Variants in TONSL observed in about 807,000 individuals in gnomAD.
TONSL encodes the protein tonsoku like, DNA repair protein.
TONSL carries 112 observed loss-of-function variants against 147.1 expected under a neutral mutation model. The ratio of observed to expected loss-of-function variants is 0.76; its 90% CI spans 0.65 to 0.89. The LOEUF is 0.89. TONSL is among the 40% of genes least tolerant of loss of function. The pLI is 0.00. For missense variants in TONSL, 1,883 were observed against 1,864.6 expected, an observed-to-expected ratio of 1.01 and a Z score of -0.18; for synonymous variants, 868 against 801.5, an observed-to-expected ratio of 1.08 and a Z score of -1.40.
rs752906055 is a variant in TONSL, at chr8:144,443,971, G to A, written c.175C>T (p.Arg59Cys). Residue 59 changes from arginine to cysteine, a missense_variant, in exon 3 of 26, where the codon CGC becomes TGC. Physicochemically the swap from Arg to Cys is radical, Grantham distance 180 (BLOSUM62 -3). Transcript: ENST00000409379. ...GCACAGCCCAGAGGGTCGTCAGCGC[G>A]CTCCCGAAGCTGCAGCTCCTGCCAG... ...QHWQELQLRE[R>C]ADDPLGCAVA... 6.3e-5 allele frequency: 97 copies of A among 1,541,084 alleles called. No individual in the cohort carries two copies. The Middle Eastern group carries it at 6.7e-4, about 11-fold the overall frequency.
chr8:144,436,131 G>A lies in TONSL; in HGVS notation c.2302C>T (p.Arg768Trp), dbSNP rs747619822. The A allele has an allele frequency of 5.4e-5, 84 of 1,561,742 alleles. No individual in the cohort carries two copies. The Admixed American group carries it at 9.5e-4, about 18-fold the overall frequency. The change falls in exon 17 of 26, where the codon CGG (arginine) becomes TGG (tryptophan). Residue 768 changes from arginine (R) to tryptophan (W), a missense_variant. Transcript: ENST00000409379. ...GGGCCAGGCGTCCAGGCTGCCACCC[G>A]TTGTGCTGTGGCCGAGCACCGAGGC... Reference protein sequence around the residue: ...KRPRCSATAQRVAAWTPGPAS... With the variant: ...KRPRCSATAQWVAAWTPGPAS...
intron 14 of TONSL, 33 bp downstream of exon 14, chr8:144,436,994 A>G: frequency 6.2e-7 from 1 of 1,612,160 alleles, no homozygotes; most frequent in Non-Finnish European, 8.5e-7. Context: ...GTGTCCACCA[A>G]GGTGCGCCAG....
In TONSL at chr8:144,428,962, G is replaced by T. The variant is rs1056672257; in HGVS notation, c.*181C>A. ...CCACCACCACGCCCGGCTAATTTTT[G>T]GTATTTTTAGTAGAGACGGGGTTTC... is the stretch of plus-strand genomic sequence containing the variant. On this transcript the variant is annotated 3_prime_UTR_variant, in exon 26 of 26. Transcript: ENST00000409379. 1.6e-5 allele frequency: 10 copies of T among 629,354 alleles called. No homozygotes were observed. The highest frequency in any genetic ancestry group is 3.5e-5 in the East Asian group (1 of 28,354). The allele number at this position is 629,354 out of a possible 1,614,324, so 39.0% of individuals were successfully genotyped here.
At chr8:144,444,159 C>A in intron 2 of TONSL, 21 bp downstream of exon 2, 1 of 1,415,794 alleles carries the variant, frequency 7.1e-7, no homozygotes, top group Non-Finnish European at 9.2e-7. Context: ...CTGCCTCCCG[C>A]CTCCTGGTCC....
rs996428678 is a variant in TONSL at position 144,443,209 on chromosome 8, G to C, written c.377C>G (p.Ser126Trp). 5.2e-6 allele frequency: 8 copies of C among 1,550,650 alleles called. No individual in the cohort carries two copies. The African/African-American group carries it at 9.6e-5, about 19-fold the overall frequency. ...THLDIYDHCQ[S>W]RDALLQAQAA... The stretch of plus-strand genomic sequence containing the variant: ...CTGTGCCTGCAGCAAAGCATCCCTC[G>C]ACTGGCAGTGGTCATAGATGTCCAG... The change falls in exon 4 of 26, where the codon TCG (serine) becomes TGG (tryptophan). Residue 126 changes from serine (S) to tryptophan (W), a missense_variant. Transcript: ENST00000409379.
Position 144,431,159 on chromosome 8 carries a change from T to C in TONSL, c.3736-8A>G, listed in dbSNP as rs1823172165. 1 of 1,613,958 alleles carries C rather than the reference T, an allele frequency of 6.2e-7. No individual in the cohort carries two copies. Among genetic ancestry groups the C allele is most frequent in the Non-Finnish European group, 8.5e-7 (1 of 1,179,922 alleles). ...GGCTAGAGCACAGCCTTCCTGGACA[T>C]GAGCAGAGGCCCAAGGGGGCCAAAC... On this transcript the variant is annotated splice_region_variant and splice_polypyrimidine_tract_variant and intron_variant, in intron 23 of 25. Coordinates refer to ENST00000409379, the MANE Select transcript of TONSL (RefSeq NM_013432.5).
At chr8:144,439,854 G>A (rs1177955723) in intron 11 of TONSL, 167 bp downstream of exon 11, 1 of 561,972 alleles carries the variant, frequency 1.8e-6, no homozygotes, top group Non-Finnish European at 3.1e-6. Context: ...CAGGCTCCCT[G>A]CGGGTCACCA....
At chr8:144,435,211 C>T (rs1473718460) in intron 18 of TONSL, 41 bp from the exon 19 acceptor site, 9 of 1,456,564 alleles carry the variant, frequency 6.2e-6, no homozygotes, top group Non-Finnish European at 8.1e-6. Flanking sequence ...CTGCACACAG[C>T]CGGGGTAATG....
At chr8:144,439,803 G>A (rs11985610) in intron 11 of TONSL, 3 of 543,420 alleles carry the variant, frequency 5.5e-6, no homozygotes, top group Admixed American at 7.5e-5. Flanking sequence ...ACACTCACTC[G>A]ACTCCCAACC....
Position 144,435,795 on chromosome 8 carries a change from G to A in TONSL, c.2638C>T (p.Arg880Cys), listed in dbSNP as rs764824014. The change falls in exon 17 of 26, where the codon CGC (arginine) becomes TGC (cysteine). Residue 880 changes from arginine to cysteine, a missense_variant. Physicochemically the swap from Arg to Cys is radical, Grantham distance 180. Transcript: ENST00000409379. The part of the protein sequence containing the change: ...SRPRARAKQV[R>C]LTCMQSCSAP... Reference sequence around the variant, plus strand: ...CTGCAACTCTGCATGCAGGTCAGGCGGACCTGCTTGGCTCGGGCACGGGGC... The same window carrying A: ...CTGCAACTCTGCATGCAGGTCAGGCAGACCTGCTTGGCTCGGGCACGGGGC... 5.6e-6 allele frequency: 9 copies of A among 1,612,692 alleles called. No individual in the cohort carries two copies. Among genetic ancestry groups the A allele is most frequent in the East Asian group, 2.2e-5 (1 of 44,874 alleles).
chr8:144,435,565 C>A lies in TONSL; in HGVS notation c.2776-15G>T. On this transcript the variant is annotated splice_polypyrimidine_tract_variant and intron_variant, in intron 17 of 25. Coordinates refer to ENST00000409379, the MANE Select transcript of TONSL (RefSeq NM_013432.5). Reference sequence around the variant, plus strand: ...GGGGCCGGACCCTGGCAGGTGAAGGCAGCAGGGCTGAGTCAGGAGCCACAG... The same window carrying A: ...GGGGCCGGACCCTGGCAGGTGAAGGAAGCAGGGCTGAGTCAGGAGCCACAG... The A allele has an allele frequency of 6.4e-7, 1 of 1,558,380 alleles. No individual in the cohort carries two copies. The highest frequency in any genetic ancestry group is 8.7e-7 in the Non-Finnish European group (1 of 1,151,314).
At position 144,440,818 on chromosome 8, in the gene TONSL, T is replaced by G; in HGVS notation, c.1064A>C (p.His355Pro). The change falls in exon 9 of 26, where the codon CAC becomes CCC. Residue 355 changes from histidine (H) to proline (P), a missense_variant. By Grantham distance (77) the His-to-Pro change is moderately conservative (BLOSUM62 -2). Coordinates refer to ENST00000409379, the MANE Select transcript of TONSL (RefSeq NM_013432.5). ...DRPGAERAIIHVSLATTLGDM... is the reference protein window; with the variant it reads ...DRPGAERAIIPVSLATTLGDM... ...TCCCAGTGTGGTGGCCAGGGACACG[T>G]GGATGATGGCCCGCTCAGCACCCGG... 6.2e-7 allele frequency: 1 copy of G among 1,612,868 alleles called. No individual in the cohort carries two copies. The highest frequency in any genetic ancestry group is 8.5e-7 in the Non-Finnish European group (1 of 1,179,950).
rs540544600 is a variant in TONSL, at chr8:144,440,651, T to G, written c.1164+67A>C. ...TAAGGACACCTGTCCATGGCCACCC[T>G]GAGAACGGCAGTCCTGAGGCAGAGA... On this transcript the variant is annotated intron_variant, in intron 9 of 25. Coordinates refer to ENST00000409379, the MANE Select transcript of TONSL (RefSeq NM_013432.5). 6.7e-5 allele frequency: 105 copies of G among 1,563,088 alleles called. No homozygotes were observed. The African/African-American group carries it at 1.4e-3, about 20-fold the overall frequency.
chr8:144,431,678 A>G (rs1352594964), intron 23 of TONSL, among the ~76,000 whole-genome samples: 2 of 150,626 alleles, frequency 1.3e-5, no homozygotes, highest in Non-Finnish European at 3.0e-5. Context: ...ACGCCCGGCT[A>G]ATTTTTTGTA....
At chr8:144,437,600 CCA>C (rs1343234477) in intron 13 of TONSL, 4 of 155,498 alleles carry the variant, frequency 2.6e-5, no homozygotes, top group Non-Finnish European at 4.3e-5. Context: ...CCTGGGCACC[CCA>C]TTTTTTTGTG....
chr8:144,431,412 C>T (rs553107505), intron 23 of TONSL, among the ~76,000 whole-genome samples: 4 of 152,248 alleles, frequency 2.6e-5, no homozygotes, highest in Admixed American at 1.3e-4. Context: ...ACCTTCCTGG[C>T]GGGGGGCAAG....
At position 144,430,396 on chromosome 8, in the gene TONSL, G is replaced by C; in HGVS notation, c.3943+8C>G. On this transcript the variant is annotated splice_region_variant and intron_variant, in intron 25 of 25. Coordinates refer to ENST00000409379, the MANE Select transcript of TONSL (RefSeq NM_013432.5). ...CATGGCAGGCGTGGCCACCATACCA[G>C]CACTCACCTGACAGGCCAAGGAAGC... 1 of 1,599,620 alleles carries C rather than the reference G, an allele frequency of 6.3e-7. No individual in the cohort carries two copies. The highest frequency in any genetic ancestry group is 8.5e-7 in the Non-Finnish European group (1 of 1,173,530).
chr8:144,432,344 C>T lies in TONSL; in HGVS notation c.3676G>A (p.Val1226Met), dbSNP rs781946714. Reference protein sequence around the residue: ...GTLLHLELSSVAAGKGDSDLM... With the variant: ...GTLLHLELSSMAAGKGDSDLM... ...TCCGAATCACCCTTGCCGGCTGCCA[C>T]GGAGCTGAGCTCTAAGTGCAGGAGG... Residue 1226 changes from valine to methionine, a missense_variant, in exon 23 of 26, where the codon GTG (valine) becomes ATG (methionine). Coordinates refer to ENST00000409379, the MANE Select transcript of TONSL (RefSeq NM_013432.5). 3.4e-5 allele frequency: 55 copies of T among 1,613,498 alleles called. No homozygotes were observed. Among genetic ancestry groups the T allele is most frequent in the South Asian group, 2.6e-4 (24 of 91,078 alleles).
rs1823827684 is a variant in TONSL, at chr8:144,444,276, C to A, written c.26-1G>T. 7.0e-7 allele frequency: 1 copy of A among 1,430,908 alleles called. No homozygotes were observed. The highest frequency in any genetic ancestry group is 9.2e-7 in the Non-Finnish European group (1 of 1,090,848). 88.6% of individuals were successfully genotyped at this position (1,430,908 alleles called of 1,614,324 possible). A position where few individuals can be genotyped will look rare whatever the true frequency, so the allele number is the denominator to read the frequency against. ...GCCTTGGCTTTCGCCTTGCTCAGCT[C>A]TGTGGGAGGAAGAGGAGGGCTGGGC... On this transcript the variant is annotated splice_acceptor_variant, in intron 1 of 25. Coordinates refer to ENST00000409379, the MANE Select transcript of TONSL (RefSeq NM_013432.5). LOFTEE classifies it high-confidence loss of function.
Sources: gnomAD v4.1 joint callset for allele counts (sites outside exome capture counted in the v4.1 genomes callset) on GRCh38, gnomAD v4.1.1 for gene constraint, MANE v1.5 for transcripts, NCBI Gene and HGNC (gene_info 2026-07-23, HGNC 2026-07-21) for gene names.